Variants in SPTAN1 observed in about 807,000 individuals in gnomAD.
SPTAN1 encodes the protein spectrin alpha chain, non-erythrocytic 1.
SPTAN1 carries 61 observed loss-of-function variants against 331.3 expected under a neutral mutation model. The ratio of observed to expected loss-of-function variants is 0.18; its 90% confidence interval spans 0.15 to 0.23. The LOEUF (loss-of-function observed/expected upper bound fraction) is 0.23. Ranked by LOEUF, SPTAN1 falls within the 10% of genes least tolerant of loss-of-function variation. The probability of loss-of-function intolerance (pLI) is 1.00; values close to 1 mark genes in which losing one functional copy is unlikely to be tolerated. For synonymous variants in SPTAN1, 1,153 were observed against 1,173.9 expected, an observed-to-expected ratio of 0.98 and a Z score of 0.36; for missense variants, 2,043 against 3,147.9, an observed-to-expected ratio of 0.65 and a Z score of 8.40.
At chr9:128,595,235 G>A (rs1037958201) in intron 24 of SPTAN1, among the ~76,000 whole-genome samples, 5 of 151,984 alleles carry the variant, frequency 3.3e-5, no homozygotes, top group Non-Finnish European at 5.9e-5. Flanking sequence ...TCAGCCACCC[G>A]AGTAGCTGGG....
Position 128,625,838 on chromosome 9 carries a change from C to A in SPTAN1, c.6139C>A (p.Gln2047Lys). ...TGCCAACATCACTGCCCTCAAAGAT[C>A]AGCTTCTCGCCGCCAAACACGTTCA... Reference protein sequence around the residue: ...GIANITALKDQLLAAKHVQSK... With the variant: ...GIANITALKDKLLAAKHVQSK... The change falls in exon 48 of 57, where the codon CAG becomes AAG. Residue 2047 changes from glutamine to lysine, a missense_variant. Gln to Lys is a moderately conservative substitution (Grantham distance 53). Around this residue, in one of 12 missense-constraint regions of SPTAN1, gnomAD observed 256 missense variants for 376.4 expected, o/e 0.68. Transcript: ENST00000372739. The surrounding 1 kb of genome is among the most constrained non-coding windows in gnomAD (Gnocchi z 4.1). 6.2e-7 allele frequency: 1 copy of A among 1,614,210 alleles called. No homozygotes were observed. Among genetic ancestry groups the A allele is most frequent in the South Asian group, 1.1e-5 (1 of 91,086 alleles).
At chr9:128,563,024 ATATG>A (rs59259018) in intron 1 of SPTAN1, among the ~76,000 whole-genome samples, 20 of 140,604 alleles carry the variant, frequency 1.4e-4, no homozygotes, top group African/African-American at 4.9e-4. Flanking sequence ...ATATATATAT[ATATG>A]TATATATTTT....
intron 1 of SPTAN1, among the ~76,000 whole-genome samples, chr9:128,557,229 A>T (rs1030061719): frequency 6.6e-6 from 1 of 152,232 alleles, no homozygotes; most frequent in Non-Finnish European, 1.5e-5. Context: ...GAGAATCAGA[A>T]TTCATTTTGT....
In SPTAN1 at chr9:128,580,927, C is replaced by T. The variant is rs193111526; in HGVS notation, c.1329C>T (p.Thr443=). The T allele has an allele frequency of 3.7e-5, 60 of 1,612,926 alleles. No individual in the cohort carries two copies. The highest frequency in any genetic ancestry group is 2.2e-4 in the East Asian group (10 of 44,876). ...YASDEVREKL[T]VLSEERAALL... ...ATGTCTCCTATGCCCCCAAGCTGAC[C>T]GTCCTTTCCGAGGAGAGAGCGGCGC... Residue 443 remains threonine, a synonymous_variant, in exon 11 of 57, where the codon ACC becomes ACT. Coordinates refer to ENST00000372739, the MANE Select transcript of SPTAN1 (RefSeq NM_001130438.3).
intron 23 of SPTAN1, 175 bp from the exon 24 acceptor site, chr9:128,594,000 C>T (rs756822433): frequency 1.9e-5 from 13 of 685,206 alleles, no homozygotes; most frequent in Non-Finnish European, 2.9e-5. Flanking sequence ...CAGGCTGTGG[C>T]GTGGGTACTT....
rs1859390250 is a variant in SPTAN1, at chr9:128,629,784, C to A, written c.6708-537C>A. ...TCTCTCTCCTTTTGGCACAGTTGGT[C>A]GTGATCTCCCAGCACTCCACTTGTG... On this transcript the variant is annotated intron_variant, in intron 51 of 56. Transcript: ENST00000372739. The surrounding 1 kb of genome is among the most constrained non-coding windows in gnomAD (Gnocchi z 4.9). The A allele has an allele frequency of 4.3e-6, 1 of 230,520 alleles. No homozygotes were observed. Among genetic ancestry groups the A allele is most frequent in the South Asian group, 6.0e-5 (1 of 16,660 alleles). The allele number at this position is 230,520 out of a possible 1,614,324, so 14.3% of individuals were successfully genotyped here. A position where few individuals can be genotyped will look rare whatever the true frequency, so the allele number is the denominator to read the frequency against.
At chr9:128,599,062 C>G (rs1458962187) in intron 26 of SPTAN1, 76 bp downstream of exon 26, 2 of 1,410,244 alleles carry the variant, frequency 1.4e-6, no homozygotes, top group South Asian at 2.3e-5. Context: ...AAGCCAAGAA[C>G]TTCTTCATCA....
At chr9:128,609,312 T>G (rs760747143) in intron 36 of SPTAN1, 28 bp downstream of exon 36, 1 of 1,614,156 alleles carries the variant, frequency 6.2e-7, no homozygotes, top group African/African-American at 1.3e-5. Context: ...GGTGTTGGTC[T>G]TGATGTAGCC....
At position 128,579,620 on chromosome 9, in the gene SPTAN1, GT is replaced by G. The variant is rs761615254; in HGVS notation, c.1222-10del. 8.1e-6 allele frequency: 13 copies of G among 1,608,270 alleles called. No individual in the cohort carries two copies. The highest frequency in any genetic ancestry group is 1.7e-6 in the Non-Finnish European group (2 of 1,174,842). ...GATGCTGGGCACAAATCATGGCTTTGTTTTTTTCTCCTGTAGGGTGAAATTG... is the reference window on the plus strand; with the variant it reads ...GATGCTGGGCACAAATCATGGCTTTGTTTTTTCTCCTGTAGGGTGAAATTG... On this transcript the variant is annotated splice_polypyrimidine_tract_variant and intron_variant, in intron 9 of 56. Coordinates refer to ENST00000372739, the MANE Select transcript of SPTAN1 (RefSeq NM_001130438.3).
chr9:128,620,246 C>A lies in SPTAN1; in HGVS notation c.5734-912C>A, dbSNP rs767666209. 2.6e-5 allele frequency among the ~76,000 whole-genome samples: 4 copies of A among 152,194 alleles called. No individual in the cohort carries two copies. The East Asian group carries it at 7.7e-4, about 29-fold the overall frequency. ...CCCCAGATGTGGAAGCAGGAGTGTG[C>A]ACTCCCAGGAATCGAGTTAGCTTTG... On this transcript the variant is annotated intron_variant, in intron 44 of 56. Coordinates refer to ENST00000372739, the MANE Select transcript of SPTAN1 (RefSeq NM_001130438.3).
rs1202762765 is a variant in SPTAN1, at chr9:128,605,304, C to A, written c.3873C>A (p.Ser1291=). The part of the protein sequence containing the change: ...DLAALGDKVN[S]LGETAERLIQ... Reference sequence around the variant, plus strand: ...CCACTTTCTTCCCATAGGTAAACTCCCTTGGTGAAACAGCAGAGCGCCTGA... The same window carrying A: ...CCACTTTCTTCCCATAGGTAAACTCACTTGGTGAAACAGCAGAGCGCCTGA... Residue 1291 remains serine (S), a synonymous_variant, in exon 31 of 57, where the codon TCC becomes TCA. Transcript: ENST00000372739. 1 of 1,614,018 alleles carries A rather than the reference C, an allele frequency of 6.2e-7. No individual in the cohort carries two copies. The highest frequency in any genetic ancestry group is 8.5e-7 in the Non-Finnish European group (1 of 1,180,032).
chr9:128,612,382 G>A, intron 39 of SPTAN1, 136 bp downstream of exon 39: 1 of 1,138,922 alleles, frequency 8.8e-7, no homozygotes, highest in East Asian at 2.4e-5. Flanking sequence ...TATTATATAT[G>A]AGTTGCATGC....
At chr9:128,602,440 C>T (rs995602567) in intron 27 of SPTAN1, among the ~76,000 whole-genome samples, 9 of 151,870 alleles carry the variant, frequency 5.9e-5, no homozygotes, top group African/African-American at 2.2e-4. Flanking sequence ...TGGTATTGAT[C>T]TCCTAACCTC....
intron 2 of SPTAN1, 41 bp downstream of exon 2, chr9:128,567,018 C>G (rs1320331845): frequency 6.2e-7 from 1 of 1,612,484 alleles, no homozygotes; most frequent in African/African-American, 1.3e-5. Context: ...AATTCAAGAG[C>G]CCAAATGTTC....
intron 23 of SPTAN1, chr9:128,593,899 T>C: frequency 2.2e-6 from 1 of 451,194 alleles, no homozygotes; most frequent in East Asian, 4.6e-5. Context: ...CTTGTGGTTG[T>C]GTTGTTCTAA....
At chr9:128,572,087 G>C (rs1469673557) in intron 3 of SPTAN1, among the ~76,000 whole-genome samples, 1 of 151,964 alleles carries the variant, frequency 6.6e-6, no homozygotes, top group African/African-American at 2.4e-5. Context: ...CTTGAACTCC[G>C]GAGCTCAAGC....
intron 12 of SPTAN1, 63 bp downstream of exon 12, chr9:128,581,955 T>G (rs1589210353): frequency 1.6e-6 from 2 of 1,234,608 alleles, no homozygotes; most frequent in East Asian, 4.6e-5. Context: ...TCTTTTTCCC[T>G]GGAAGGATTC....
rs1858895083 is a variant in SPTAN1 at position 128,627,197 on chromosome 9, C to G, written c.6577-189C>G. 2 of 652,774 alleles carry G rather than the reference C, an allele frequency of 3.1e-6. No homozygotes were observed. The highest frequency in any genetic ancestry group is 5.6e-6 in the Non-Finnish European group (2 of 359,930). 40.4% of individuals were successfully genotyped at this position (652,774 alleles called of 1,614,324 possible). On this transcript the variant is annotated intron_variant, in intron 49 of 56. Transcript: ENST00000372739. The surrounding 1 kb of genome is among the most constrained non-coding windows in gnomAD (Gnocchi z 4.9). Reference sequence around the variant, plus strand: ...CCAGGTCCGCCTCTTCCTTGAAGCCCCTGGGGGGTGGGAACAGAGAAAGAA... The same window carrying G: ...CCAGGTCCGCCTCTTCCTTGAAGCCGCTGGGGGGTGGGAACAGAGAAAGAA...
rs753973885 is a variant in SPTAN1 at position 128,627,244 on chromosome 9, C to A, written c.6577-142C>A. On this transcript the variant is annotated intron_variant, in intron 49 of 56. Transcript: ENST00000372739. This position sits in a 1 kb window ranked among gnomAD's most constrained non-coding sequence, Gnocchi z 4.9. ...AGAACTACCAAGTGCTCTGAGCCGG[C>A]CTCATGTCTCCCAGCCTCCTCCTCT... is the stretch of plus-strand genomic sequence containing the variant. 2 of 734,186 alleles carry A rather than the reference C, an allele frequency of 2.7e-6. No individual in the cohort carries two copies. Among genetic ancestry groups the A allele is most frequent in the East Asian group, 2.7e-5 (1 of 36,740 alleles). The allele number at this position is 734,186 out of a possible 1,614,324, so 45.5% of individuals were successfully genotyped here. A position where few individuals can be genotyped will look rare whatever the true frequency, so the allele number is the denominator to read the frequency against.
Sources: allele counts gnomAD v4.1 joint callset (sites outside exome capture counted in the v4.1 genomes callset), GRCh38; gene constraint gnomAD v4.1.1; regional missense constraint gnomAD v4.1.1; non-coding constraint Gnocchi (gnomAD v3.1); transcripts MANE v1.5; gene names NCBI Gene and HGNC (gene_info 2026-07-23, HGNC 2026-07-21).